Variants in HTR1F observed in about 807,000 individuals in gnomAD.
HTR1F encodes 5-hydroxytryptamine receptor 1F.
HTR1F carries 17 observed loss-of-function variants against 24.0 expected under a neutral mutation model. The ratio of observed to expected loss-of-function variants is 0.71; its 90% CI spans 0.48 to 1.06. HTR1F has a LOEUF of 1.06. Among genes scored for constraint, HTR1F ranks in the 50% least tolerant of loss-of-function variants. The pLI, the probability that HTR1F is intolerant of heterozygous loss-of-function variation, is 0.00. For synonymous variants in HTR1F, 186 were observed against 156.8 expected (o/e 1.19, Z -1.39); for missense variants, 391 against 427.8 (o/e 0.91, Z 0.76).
At chr3:87,953,856 T>G (rs1411257773) in intron 2 of HTR1F, among the ~76,000 whole-genome samples, 1 of 151,778 alleles carries the variant, frequency 6.6e-6, no homozygotes, top group Non-Finnish European at 1.5e-5. Flanking sequence ...ATTCAGTCAT[T>G]AAAAGAAGGA....
intron 2 of HTR1F, among the ~76,000 whole-genome samples, chr3:87,912,012 A>G (rs1283738840): frequency 1.3e-5 from 2 of 152,036 alleles, no homozygotes; most frequent in African/African-American, 2.4e-5. Flanking sequence ...CAGCATGACA[A>G]GAATGTCCTC....
chr3:87,896,358 T>A (rs1241373852), intron 2 of HTR1F, among the ~76,000 whole-genome samples: 5 of 152,248 alleles, frequency 3.3e-5, no homozygotes, highest in Admixed American at 2.6e-4. Flanking sequence ...GAGTGTCTAA[T>A]GTGTGCCAGG....
chr3:87,906,910 C>A (rs1703679362), intron 2 of HTR1F, among the ~76,000 whole-genome samples: 1 of 151,926 alleles, frequency 6.6e-6, no homozygotes, highest in Non-Finnish European at 1.5e-5. Flanking sequence ...TATATATACA[C>A]CACATTTTCT....
chr3:87,902,759 C>G (rs1706356924), intron 2 of HTR1F, among the ~76,000 whole-genome samples: 2 of 120,312 alleles, frequency 1.7e-5, no homozygotes, highest in Non-Finnish European at 3.3e-5. Flanking sequence ...TCCCCCCACC[C>G]CACAACAGTC....
Position 87,841,007 on chromosome 3 carries a change from G to A in HTR1F, c.-43+18883G>A, listed in dbSNP as rs113368622. Among the ~76,000 whole-genome samples the A allele has an allele frequency of 2.0e-4, 31 of 151,956 alleles. 4 individuals carry two copies. The highest frequency in any genetic ancestry group is 7.5e-4 in the African/African-American group (31 of 41,314). On this transcript the variant is annotated intron_variant, in intron 2 of 2. Coordinates refer to ENST00000319595, the MANE Select transcript of HTR1F (RefSeq NM_001322209.2). Reference sequence around the variant, plus strand: ...GTTAGATAAGAGACACAGTTCTGACGTTTCATTGCACAGCAAAGAAAATAT... The same window carrying A: ...GTTAGATAAGAGACACAGTTCTGACATTTCATTGCACAGCAAAGAAAATAT...
chr3:87,814,119 A>G (rs1197285080), intron 1 of HTR1F, among the ~76,000 whole-genome samples: 1 of 151,996 alleles, frequency 6.6e-6, no homozygotes, highest in Non-Finnish European at 1.5e-5. Flanking sequence ...GCACTTTCAC[A>G]TTTAAAGTAA....
chr3:87,891,256 G>C (rs752882722), intron 2 of HTR1F, among the ~76,000 whole-genome samples: 13 of 151,852 alleles, frequency 8.6e-5, no homozygotes, highest in Non-Finnish European at 1.8e-4. Context: ...TCTTCAAAGA[G>C]ATATCTAATA....
At chr3:87,820,829 C>A (rs778337847) in intron 1 of HTR1F, among the ~76,000 whole-genome samples, 44 of 152,096 alleles carry the variant, frequency 2.9e-4, no homozygotes, top group Middle Eastern at 7.1e-3. Flanking sequence ...GCATTTATAA[C>A]CTTATTTATG....
intron 2 of HTR1F, among the ~76,000 whole-genome samples, chr3:87,945,914 G>A (rs1478010536): frequency 6.6e-6 from 1 of 152,110 alleles, no homozygotes; most frequent in Non-Finnish European, 1.5e-5. Flanking sequence ...CTTCCAAAAT[G>A]GCGGTGGGCC....
rs113182525 is a variant in HTR1F, at chr3:87,943,078, C to T, written c.-42-47630C>T. On this transcript the variant is annotated intron_variant, in intron 2 of 2. Coordinates refer to ENST00000319595, the MANE Select transcript of HTR1F (RefSeq NM_001322209.2). Reference sequence around the variant, plus strand: ...CTAGTTTTCCTTAGTCCTCCTAGCACGCAAGTTAGCAAATGTCTGCAGCAC... The same window carrying T: ...CTAGTTTTCCTTAGTCCTCCTAGCATGCAAGTTAGCAAATGTCTGCAGCAC... Among the ~76,000 whole-genome samples, 89 of 151,858 alleles carry T rather than the reference C, an allele frequency of 5.9e-4. 1 individual carries two copies. Among genetic ancestry groups the T allele is most frequent in the African/African-American group, 1.6e-3 (68 of 41,288 alleles).
rs113982604 is a variant in HTR1F, at chr3:87,798,547, G to A, written c.-160+5705G>A. ...TCATGACCCTGACCCCCCTCCACCCGCCGTAGCTAGAGTCCCATTTGATCT... is the reference window on the plus strand; with the variant it reads ...TCATGACCCTGACCCCCCTCCACCCACCGTAGCTAGAGTCCCATTTGATCT... On this transcript the variant is annotated intron_variant, in intron 1 of 2. Coordinates refer to ENST00000319595, the MANE Select transcript of HTR1F (RefSeq NM_001322209.2). 4.0e-3 allele frequency among the ~76,000 whole-genome samples: 605 copies of A among 151,138 alleles called. 7 individuals are homozygous for A. The highest frequency in any genetic ancestry group is 0.014 in the African/African-American group (568 of 41,174).
intron 2 of HTR1F, among the ~76,000 whole-genome samples, chr3:87,847,574 T>C (rs1704974058): frequency 1.3e-5 from 2 of 151,864 alleles, no homozygotes; most frequent in South Asian, 4.1e-4. Context: ...TACTTTGAAA[T>C]ATACATAATA....
At chr3:87,883,757 A>G (rs777014073) in intron 2 of HTR1F, among the ~76,000 whole-genome samples, 6 of 152,194 alleles carry the variant, frequency 3.9e-5, no homozygotes, top group Non-Finnish European at 7.4e-5. Context: ...ATTGAATATC[A>G]AATCAATGAA....
intron 1 of HTR1F, among the ~76,000 whole-genome samples, chr3:87,819,792 T>C (rs1704319688): frequency 6.6e-6 from 1 of 152,032 alleles, no homozygotes; most frequent in Non-Finnish European, 1.5e-5. Context: ...TTTCTATATA[T>C]TATAAATTTC....
At chr3:87,964,400 T>C (rs1705122224) in intron 2 of HTR1F, among the ~76,000 whole-genome samples, 1 of 152,164 alleles carries the variant, frequency 6.6e-6, no homozygotes, top group Non-Finnish European at 1.5e-5. Flanking sequence ...TATTTAGAGT[T>C]AATCAACGTA....
intron 2 of HTR1F, among the ~76,000 whole-genome samples, chr3:87,924,881 T>C (rs538731218): frequency 1.3e-5 from 2 of 152,260 alleles, no homozygotes; most frequent in South Asian, 4.1e-4. Context: ...GCAGAATTTA[T>C]TAGCTTCTTG....
chr3:87,841,790 C>G (rs1704810400), intron 2 of HTR1F, among the ~76,000 whole-genome samples: 1 of 150,880 alleles, frequency 6.6e-6, no homozygotes, highest in Non-Finnish European at 1.5e-5. Flanking sequence ...ATCCCAGCTA[C>G]TCAGGAGGCT....
chr3:87,961,129 T>C (rs1395219731), intron 2 of HTR1F, among the ~76,000 whole-genome samples: 1 of 151,954 alleles, frequency 6.6e-6, no homozygotes, highest in African/African-American at 2.4e-5. Context: ...TTCAGGGAAG[T>C]TCTTCAGTTG....
intron 2 of HTR1F, among the ~76,000 whole-genome samples, chr3:87,853,192 A>AT (rs1371753581): frequency 6.7e-6 from 1 of 149,306 alleles, no homozygotes; most frequent in Admixed American, 6.6e-5. Context: ...CCCATTAGTT[A>AT]TTTTTCCAGA....
Sources: gnomAD v4.1 joint callset for allele counts (sites outside exome capture counted in the v4.1 genomes callset) on GRCh38, gnomAD v4.1.1 for gene constraint, MANE v1.5 for transcripts, NCBI Gene and HGNC (gene_info 2026-07-23, HGNC 2026-07-21) for gene names.